SHCBP1: variants seen among roughly 807,000 people sequenced by gnomAD.
SHCBP1 encodes SHC SH2 domain-binding protein 1.
SHCBP1 carries 60 observed loss-of-function variants against 75.1 expected under a neutral mutation model. The ratio of observed to expected loss-of-function variants is 0.80; its 90% confidence interval spans 0.65 to 0.99. SHCBP1 has a LOEUF of 0.99. Among genes scored for constraint, SHCBP1 ranks in the 50% least tolerant of loss-of-function variants. The pLI is 0.00. For synonymous variants in SHCBP1, 290 were observed against 293.2 expected (o/e 0.99, Z 0.11); for missense variants, 709 against 809.4 (o/e 0.88, Z 1.50).
chr16:46,607,963 T>A (rs1360746586), intron 5 of SHCBP1, among the ~76,000 whole-genome samples: 1 of 152,224 alleles, frequency 6.6e-6, no homozygotes, highest in African/African-American at 2.4e-5. Flanking sequence ...CTTAACCCAC[T>A]AGTTCAATGT....
In SHCBP1 at chr16:46,582,060, GAAAC is replaced by G. The variant is rs756016963; in HGVS notation, c.1694-10_1694-7del. ...AATTTTAAGCGCTTTATTTTCTGGA[GAAAC>G]AAACAAATAATAACAAAGTTAAATA... On this transcript the variant is annotated splice_region_variant and splice_polypyrimidine_tract_variant and intron_variant, in intron 12 of 12. Coordinates refer to ENST00000303383, the MANE Select transcript of SHCBP1 (RefSeq NM_024745.5). The G allele has an allele frequency of 6.3e-7, 1 of 1,587,238 alleles. No individual in the cohort carries two copies. The highest frequency in any genetic ancestry group is 1.4e-5 in the African/African-American group (1 of 73,452).
In SHCBP1 at chr16:46,581,161, A is replaced by G. The variant is rs943929947; in HGVS notation, c.*568T>C. On this transcript the variant is annotated 3_prime_UTR_variant, in exon 13 of 13. Transcript: ENST00000303383. ...CTGCTTCAAACCTCCTATGCTGTCT[A>G]TCGCTGTTTTGACGACTGCATAGCT... 2.6e-5 allele frequency: 4 copies of G among 153,214 alleles called. No individual in the cohort carries two copies. The highest frequency in any genetic ancestry group is 9.6e-5 in the African/African-American group (4 of 41,484). The allele number at this position is 153,214 out of a possible 1,614,324, so 9.5% of individuals were successfully genotyped here.
chr16:46,592,913 A>G (rs1965068263), intron 10 of SHCBP1, among the ~76,000 whole-genome samples: 1 of 148,914 alleles, frequency 6.7e-6, no homozygotes, highest in African/African-American at 2.5e-5. Flanking sequence ...AGGAACTCAG[A>G]AAAAAAGAAG....
In SHCBP1 at chr16:46,616,542, CCTT is replaced by C. The variant is rs916355587; in HGVS notation, c.388-391_388-389del. ...GCAGCTGGAGGAGCGGAAAGGCAGT[CCTT>C]CTTGCTGGAGCCAAAGGGAGGAAAT... On this transcript the variant is annotated intron_variant, in intron 3 of 12. Coordinates refer to ENST00000303383, the MANE Select transcript of SHCBP1 (RefSeq NM_024745.5). The surrounding 1 kb of genome is among the most constrained non-coding windows in gnomAD (Gnocchi z 4.4). Among the ~76,000 whole-genome samples, 3 of 152,058 alleles carry C rather than the reference CCTT, an allele frequency of 2.0e-5. No homozygotes were observed. Among genetic ancestry groups the C allele is most frequent in the African/African-American group, 4.8e-5 (2 of 41,390 alleles).
At chr16:46,600,079 C>A in intron 8 of SHCBP1, 117 bp from the exon 9 acceptor site, 3 of 1,150,926 alleles carry the variant, frequency 2.6e-6, no homozygotes, top group Non-Finnish European at 2.4e-6. Context: ...GACCAGTCAA[C>A]CATGTTGCAT....
rs886507235 is a variant in SHCBP1 at position 46,588,660 on chromosome 16, G to A, written c.1465-4571C>T. ...CTCTGAATAGACCAGTAACAGGTTC[G>A]GAAATTGAGGCAATATTTAATAGCC... On this transcript the variant is annotated intron_variant, in intron 10 of 12. Transcript: ENST00000303383. Among the ~76,000 whole-genome samples, 36 of 152,224 alleles carry A rather than the reference G, an allele frequency of 2.4e-4. No homozygotes were observed. The South Asian group carries it at 3.5e-3, about 15-fold the overall frequency.
In SHCBP1 at chr16:46,581,806, G is replaced by A; in HGVS notation, c.1942C>T (p.Gln648Ter). 6.2e-7 allele frequency: 1 copy of A among 1,614,158 alleles called. No individual in the cohort carries two copies. Among genetic ancestry groups the A allele is most frequent in the Non-Finnish European group, 8.5e-7 (1 of 1,180,014 alleles). The change falls in exon 13 of 13, where the codon CAG becomes TAG. Residue 648 changes from glutamine to a stop codon, truncating the protein, a stop_gained. Coordinates refer to ENST00000303383, the MANE Select transcript of SHCBP1 (RefSeq NM_024745.5). LOFTEE classifies it high-confidence loss of function. ...ITQADDNLMS[Q>*]EMFVGIVGNQ... is the part of the protein sequence containing the mutation. ...CCCACAATCCCAACAAACATCTCCT[G>A]TGACATTAAGTTGTCATCAGCTTGC...
chr16:46,583,556 G>T lies in SHCBP1; in HGVS notation c.1653C>A (p.Ile551=). Residue 551 remains isoleucine (I), a synonymous_variant, in exon 12 of 13, where the codon ATC becomes ATA. Coordinates refer to ENST00000303383, the MANE Select transcript of SHCBP1 (RefSeq NM_024745.5). The stretch of plus-strand genomic sequence containing the variant: ...CAGCATTTTCTTGCAGGTCAGAGAA[G>T]ATTGTAGGTTTCACCAAGACAACAC... ...GYGVVLVKPT[I]FSDLQENAED... 1 of 1,610,148 alleles carries T rather than the reference G, an allele frequency of 6.2e-7. No individual in the cohort carries two copies. Among genetic ancestry groups the T allele is most frequent in the Admixed American group, 1.7e-5 (1 of 58,862 alleles).
chr16:46,583,617 A>C lies in SHCBP1; in HGVS notation c.1592T>G (p.Met531Arg). ...ATTATTATGTATTATATTATTCACC[A>C]TGGATATCTTGGGAATGTCATAATG... ...DEHYDIPKISMVNNIIHNNEG... is the reference protein window; with the variant it reads ...DEHYDIPKISRVNNIIHNNEG... The change falls in exon 12 of 13, where the codon ATG becomes AGG. Residue 531 changes from methionine to arginine, a missense_variant. By Grantham distance (91) the Met-to-Arg change is moderately conservative (BLOSUM62 -1). Coordinates refer to ENST00000303383, the MANE Select transcript of SHCBP1 (RefSeq NM_024745.5). 6.2e-7 allele frequency: 1 copy of C among 1,607,510 alleles called. No homozygotes were observed.
intron 1 of SHCBP1, among the ~76,000 whole-genome samples, chr16:46,619,962 G>C (rs1186878632): frequency 6.6e-6 from 1 of 152,120 alleles, no homozygotes; most frequent in Non-Finnish European, 1.5e-5. Flanking sequence ...TTGAACCCGG[G>C]AGGCAGAGGT....
intron 10 of SHCBP1, among the ~76,000 whole-genome samples, chr16:46,588,602 C>A (rs937181222): frequency 2.0e-5 from 3 of 152,162 alleles, no homozygotes; most frequent in African/African-American, 7.2e-5. Flanking sequence ...AACACATACA[C>A]CCTCCCAAGA....
At chr16:46,614,464 T>C (rs1965465666) in intron 4 of SHCBP1, among the ~76,000 whole-genome samples, 1 of 152,194 alleles carries the variant, frequency 6.6e-6, no homozygotes, top group Admixed American at 6.5e-5. Flanking sequence ...AAAATAACTA[T>C]CTATATCAGG....
At chr16:46,612,465 TTTG>T (rs559149689) in intron 4 of SHCBP1, among the ~76,000 whole-genome samples, 39 of 151,892 alleles carry the variant, frequency 2.6e-4, no homozygotes, top group East Asian at 5.8e-4. Flanking sequence ...AGTGGAGTCT[TTTG>T]TTGTTGTTGT....
intron 4 of SHCBP1, among the ~76,000 whole-genome samples, chr16:46,611,687 C>T (rs1965418918): frequency 6.6e-6 from 1 of 152,118 alleles, no homozygotes; most frequent in African/African-American, 2.4e-5. Context: ...TATCAGTCAG[C>T]CTATGGTAAA....
chr16:46,604,797 A>G (rs1163007778), intron 5 of SHCBP1, among the ~76,000 whole-genome samples: 1 of 152,194 alleles, frequency 6.6e-6, no homozygotes, highest in African/African-American at 2.4e-5. Context: ...CTCATATATT[A>G]GATTCAAAAG....
Position 46,599,846 on chromosome 16 carries a change from C to G in SHCBP1, c.1330G>C (p.Val444Leu), listed in dbSNP as rs1165731573. 3 of 1,608,138 alleles carry G rather than the reference C, an allele frequency of 1.9e-6. No homozygotes were observed. The highest frequency in any genetic ancestry group is 2.5e-6 in the Non-Finnish European group (3 of 1,178,372). The part of the protein sequence containing the change: ...SGIKFVQHDA[V>L]EGILIVHRGK... ...AGATACTTACTTAAGATTCCCTCTACAGCATCATGCTGAACAAATTTTATG... is the reference window on the plus strand; with the variant it reads ...AGATACTTACTTAAGATTCCCTCTAGAGCATCATGCTGAACAAATTTTATG... Residue 444 changes from valine to leucine, a missense_variant, in exon 9 of 13, where the codon GTA becomes CTA. Transcript: ENST00000303383.
At chr16:46,608,118 G>T (rs1965351199) in intron 5 of SHCBP1, among the ~76,000 whole-genome samples, 179 bp downstream of exon 5, 1 of 152,088 alleles carries the variant, frequency 6.6e-6, no homozygotes, top group Non-Finnish European at 1.5e-5. Flanking sequence ...TTGTCAAGGG[G>T]TGGTACAATT....
chr16:46,613,816 T>A (rs1161870174), intron 4 of SHCBP1, among the ~76,000 whole-genome samples: 1 of 152,184 alleles, frequency 6.6e-6, no homozygotes, highest in Non-Finnish European at 1.5e-5. Flanking sequence ...CATCCTTGAC[T>A]AAGGACCTGG....
chr16:46,582,930 G>A (rs1964895517), intron 12 of SHCBP1, among the ~76,000 whole-genome samples: 2 of 152,142 alleles, frequency 1.3e-5, no homozygotes, highest in South Asian at 4.1e-4. Context: ...CCTTCTCTAT[G>A]ACTGAGACTT....
Sources: allele counts gnomAD v4.1 joint callset (sites outside exome capture counted in the v4.1 genomes callset), GRCh38; gene constraint gnomAD v4.1.1; non-coding constraint Gnocchi (gnomAD v3.1); transcripts MANE v1.5; gene names NCBI Gene and HGNC (gene_info 2026-07-23, HGNC 2026-07-21).